The following CDH13 variants were observed in gnomAD, a reference collection of about 807,000 sequenced individuals.
CDH13 encodes cadherin-13.
In CDH13, 24 loss-of-function variants were observed where a neutral mutation model predicts 63.8. The observed-to-expected ratio is 0.38, with a 90% confidence interval of 0.27 to 0.53. The LOEUF (loss-of-function observed/expected upper bound fraction) is 0.53. Ranked by LOEUF, CDH13 falls within the 20% of genes least tolerant of loss-of-function variation. CDH13 has a pLI of 0.85. For missense variants in CDH13, 1,049 were observed against 903.1 expected, an observed-to-expected ratio of 1.16 and a Z score of -2.07; for synonymous variants, 503 against 355.3, an observed-to-expected ratio of 1.42 and a Z score of -4.67.
At chr16:83,363,667 A>G (rs1597836060) in intron 6 of CDH13, among the ~76,000 whole-genome samples, 1 of 152,186 alleles carries the variant, frequency 6.6e-6, no homozygotes, top group African/African-American at 2.4e-5. Context: ...TCAGTTTCCA[A>G]GATGATGTCA....
At position 83,097,954 on chromosome 16, in the gene CDH13, G is replaced by T. The variant is rs573509431; in HGVS notation, c.367-27431G>T. Among the ~76,000 whole-genome samples, 325 of 150,344 alleles carry T rather than the reference G, an allele frequency of 2.2e-3. 3 individuals carry two copies. The highest frequency in any genetic ancestry group is 0.015 in the South Asian group (73 of 4,750). On this transcript the variant is annotated intron_variant, in intron 3 of 13. Transcript: ENST00000567109. ...CTGTACTAGCTTAAAGGTAACTTTTGAAAAAAAAAATTTTATAATGCCTAG... is the reference window on the plus strand; with the variant it reads ...CTGTACTAGCTTAAAGGTAACTTTTTAAAAAAAAAATTTTATAATGCCTAG...
chr16:82,787,149 G>C (rs998305398), intron 1 of CDH13, among the ~76,000 whole-genome samples: 1 of 152,084 alleles, frequency 6.6e-6, no homozygotes, highest in Non-Finnish European at 1.5e-5. Flanking sequence ...TTTTCCATTG[G>C]GGCTGGTCTC....
At chr16:83,018,923 C>T (rs1289143432) in intron 2 of CDH13, among the ~76,000 whole-genome samples, 2 of 152,058 alleles carry the variant, frequency 1.3e-5, no homozygotes, top group African/African-American at 2.4e-5. Flanking sequence ...GCACTTACTA[C>T]GAATAGAGGT....
chr16:83,008,740 T>G (rs571024612), intron 2 of CDH13, among the ~76,000 whole-genome samples: 17 of 152,282 alleles, frequency 1.1e-4, no homozygotes, highest in African/African-American at 4.1e-4. Flanking sequence ...AACGAGGCCT[T>G]CCTCTCTTTC....
chr16:82,906,944 C>T (rs147717406), intron 2 of CDH13, among the ~76,000 whole-genome samples: 9 of 152,226 alleles, frequency 5.9e-5, no homozygotes, highest in East Asian at 1.9e-4. Flanking sequence ...CTAAAATGAC[C>T]GTAACTTTGT....
At chr16:83,601,957 G>T (rs1907835835) in intron 7 of CDH13, among the ~76,000 whole-genome samples, 1 of 151,532 alleles carries the variant, frequency 6.6e-6, no homozygotes, top group African/African-American at 2.4e-5. Flanking sequence ...GCCAGGCATG[G>T]TGATGGGCGC....
At chr16:83,167,769 G>T (rs2037745242) in intron 4 of CDH13, among the ~76,000 whole-genome samples, 1 of 151,110 alleles carries the variant, frequency 6.6e-6, no homozygotes, top group Non-Finnish European at 1.5e-5. Context: ...CAACTGGATA[G>T]ACATAATAGC....
In CDH13 at chr16:82,736,628, G is replaced by A. The variant is rs995449001; in HGVS notation, c.45+109491G>A. Among the ~76,000 whole-genome samples, 24 of 152,028 alleles carry A rather than the reference G, an allele frequency of 1.6e-4. 1 individual carries two copies. The highest frequency in any genetic ancestry group is 3.9e-4 in the African/African-American group (16 of 41,372). On this transcript the variant is annotated intron_variant, in intron 1 of 13. Transcript: ENST00000567109. ...GTGATGGTATTTTTTTCCTCTCTCC[G>A]CTAGCTTAAATCTGTTCAAGTCTCC...
intron 7 of CDH13, among the ~76,000 whole-genome samples, chr16:83,533,973 A>G (rs1424681751): frequency 2.0e-5 from 3 of 152,212 alleles, no homozygotes; most frequent in African/African-American, 4.8e-5. Flanking sequence ...TTGTTTGTCA[A>G]GGCAAAATTC....
At chr16:83,707,102 T>C (rs189181066) in intron 10 of CDH13, among the ~76,000 whole-genome samples, 1 of 152,284 alleles carries the variant, frequency 6.6e-6, no homozygotes, top group East Asian at 1.9e-4. Flanking sequence ...GGATACAAGA[T>C]GGAAAGCAGA....
At chr16:83,098,237 A>T (rs1422406308) in intron 3 of CDH13, among the ~76,000 whole-genome samples, 1 of 152,220 alleles carries the variant, frequency 6.6e-6, no homozygotes, top group Non-Finnish European at 1.5e-5. Flanking sequence ...ATAATATTAT[A>T]GCATTTCATA....
chr16:83,400,959 T>G (rs2151442004), intron 6 of CDH13, among the ~76,000 whole-genome samples: 1 of 151,126 alleles, frequency 6.6e-6, no homozygotes, highest in East Asian at 1.9e-4. Flanking sequence ...ATCCAAGCAC[T>G]TTGGCAGACG....
chr16:83,039,594 C>T (rs1917161660), intron 3 of CDH13, among the ~76,000 whole-genome samples: 1 of 152,134 alleles, frequency 6.6e-6, no homozygotes, highest in African/African-American at 2.4e-5. Context: ...CCCTGCCTCC[C>T]TCCCTTCCTT....
intron 11 of CDH13, among the ~76,000 whole-genome samples, chr16:83,760,326 C>G (rs1465468327): frequency 6.6e-6 from 1 of 152,160 alleles, no homozygotes; most frequent in Non-Finnish European, 1.5e-5. Flanking sequence ...TACATATGCC[C>G]TATGTTCCAG....
intron 6 of CDH13, among the ~76,000 whole-genome samples, chr16:83,472,317 T>A (rs2073476464): frequency 6.6e-6 from 1 of 152,212 alleles, no homozygotes; most frequent in Non-Finnish European, 1.5e-5. Flanking sequence ...TGGGGATTTA[T>A]GTTAGACGGT....
chr16:83,368,778 C>G (rs2091302084), intron 6 of CDH13, among the ~76,000 whole-genome samples: 1 of 150,606 alleles, frequency 6.6e-6, no homozygotes, highest in African/African-American at 2.4e-5. Flanking sequence ...ATTCGATTTT[C>G]CATTCCTGAG....
At chr16:82,896,298 T>TTTTTTTTTTTTTTTTTTTTTG (rs2041257606) in intron 2 of CDH13, among the ~76,000 whole-genome samples, 1 of 80,662 alleles carries the variant, frequency 1.2e-5, no homozygotes, top group Non-Finnish European at 2.7e-5. Context: ...TTTTTTTTTT[T>TTTTTTTTTTTTTTTTTTTTTG]TTTTTTTTTT....
chr16:83,379,656 C>T (rs2091520412), intron 6 of CDH13, among the ~76,000 whole-genome samples: 1 of 152,032 alleles, frequency 6.6e-6, no homozygotes, highest in Admixed American at 6.6e-5. Flanking sequence ...AGTTACACAA[C>T]AACAGACTTG....
chr16:83,551,630 CT>C (rs977145099), intron 7 of CDH13, among the ~76,000 whole-genome samples: 15 of 152,232 alleles, frequency 9.9e-5, no homozygotes, highest in African/African-American at 2.9e-4. Flanking sequence ...CCAAGCTTCT[CT>C]TTTTTTTCCT....
Sources: gnomAD v4.1 joint callset for allele counts (sites outside exome capture counted in the v4.1 genomes callset) on GRCh38, gnomAD v4.1.1 for gene constraint, MANE v1.5 for transcripts, NCBI Gene and HGNC (gene_info 2026-07-23, HGNC 2026-07-21) for gene names.